WWOX: variants seen among roughly 807,000 people sequenced by gnomAD.
WWOX encodes WW domain-containing oxidoreductase.
A neutral mutation model predicts 46.2 loss-of-function variants in WWOX; 69 were observed. The ratio of observed to expected loss-of-function variants is 1.49; its 90% confidence interval spans 1.23 to 1.82. WWOX has a LOEUF of 1.82. WWOX is among the 40% of genes most tolerant of loss of function. The probability of loss-of-function intolerance (pLI) is 0.00; values close to 1 mark genes in which losing one functional copy is unlikely to be tolerated. For missense variants in WWOX, 919 were observed against 542.6 expected (o/e 1.69, Z -6.89); for synonymous variants, 359 against 202.6 (o/e 1.77, Z -6.56).
intron 8 of WWOX, among the ~76,000 whole-genome samples, chr16:78,460,532 C>G (rs1278078807): frequency 1.3e-5 from 2 of 152,200 alleles, no homozygotes; most frequent in African/African-American, 2.4e-5. Flanking sequence ...CTGAATGTGA[C>G]TGATACCAAC....
At chr16:78,548,653 C>G (rs1265844484) in intron 8 of WWOX, among the ~76,000 whole-genome samples, 1 of 152,166 alleles carries the variant, frequency 6.6e-6, no homozygotes, top group Non-Finnish European at 1.5e-5. Flanking sequence ...CAGTATTGTT[C>G]CATCCGCCTG....
intron 8 of WWOX, among the ~76,000 whole-genome samples, chr16:78,837,936 G>A (rs1007574499): frequency 6.6e-6 from 1 of 152,176 alleles, no homozygotes; most frequent in African/African-American, 2.4e-5. Context: ...CTGCTCAAGG[G>A]CACAGAAAGC....
chr16:78,734,797 A>G (rs1259492431), intron 8 of WWOX, among the ~76,000 whole-genome samples: 1 of 147,838 alleles, frequency 6.8e-6, no homozygotes, highest in African/African-American at 2.5e-5. Flanking sequence ...CCCTACTTCA[A>G]AGAGAACTCC....
chr16:78,338,818 T>C (rs2080949661), intron 5 of WWOX, among the ~76,000 whole-genome samples: 5 of 121,394 alleles, frequency 4.1e-5, no homozygotes, highest in Admixed American at 4.0e-4. Flanking sequence ...TTCTATTCTT[T>C]TCATTTCTTT....
intron 8 of WWOX, among the ~76,000 whole-genome samples, chr16:78,699,426 C>A (rs116083504): frequency 0.014 from 2,166 of 151,866 alleles, 58 homozygotes; most frequent in African/African-American, 0.05. Flanking sequence ...GTACTCCCAG[C>A]TACTTGGGAG....
At chr16:78,578,254 TTATA>T (rs1194130355) in intron 8 of WWOX, among the ~76,000 whole-genome samples, 345 of 31,574 alleles carry the variant, frequency 0.011, 9 homozygotes, top group East Asian at 0.046. Flanking sequence ...ATACCAAATT[TTATA>T]TATATATATA....
intron 8 of WWOX, among the ~76,000 whole-genome samples, chr16:78,811,092 C>A (rs1012161030): frequency 6.6e-6 from 1 of 151,870 alleles, no homozygotes; most frequent in African/African-American, 2.4e-5. Context: ...CTCCTCTTCT[C>A]GTCTGGATTT....
intron 8 of WWOX, among the ~76,000 whole-genome samples, chr16:79,015,453 C>T (rs1180982111): frequency 6.6e-6 from 1 of 152,148 alleles, no homozygotes; most frequent in Non-Finnish European, 1.5e-5. Flanking sequence ...TAAGAGTTAA[C>T]CTGAGTGTCT....
At chr16:78,839,323 C>G (rs2052075117) in intron 8 of WWOX, among the ~76,000 whole-genome samples, 1 of 152,110 alleles carries the variant, frequency 6.6e-6, no homozygotes, top group Admixed American at 6.5e-5. Flanking sequence ...AATGTAATTA[C>G]ATCTAACTAT....
intron 8 of WWOX, among the ~76,000 whole-genome samples, chr16:78,859,965 T>C (rs2052677471): frequency 6.6e-6 from 1 of 152,230 alleles, no homozygotes; most frequent in South Asian, 2.1e-4. Context: ...TTTGGTGACA[T>C]ATCCAGATAG....
At chr16:78,133,180 C>G (rs957726927) in intron 4 of WWOX, among the ~76,000 whole-genome samples, 5 of 152,296 alleles carry the variant, frequency 3.3e-5, no homozygotes, top group Admixed American at 6.5e-5. Context: ...TCATATTTAA[C>G]TTTTCAAAGG....
At chr16:78,211,559 C>T (rs1016610655) in intron 5 of WWOX, among the ~76,000 whole-genome samples, 2 of 151,922 alleles carry the variant, frequency 1.3e-5, no homozygotes, top group African/African-American at 4.8e-5. Context: ...GTTGCTCCTG[C>T]TGCTGCTGCT....
intron 8 of WWOX, among the ~76,000 whole-genome samples, chr16:79,150,796 T>G (rs1470871160): frequency 6.6e-6 from 1 of 152,190 alleles, no homozygotes. Flanking sequence ...CGTGTGTCAC[T>G]GCATCCAGCT....
At chr16:78,813,973 G>C (rs780777637) in intron 8 of WWOX, among the ~76,000 whole-genome samples, 1 of 152,074 alleles carries the variant, frequency 6.6e-6, no homozygotes, top group Non-Finnish European at 1.5e-5. Flanking sequence ...AATTCTATAG[G>C]TTCTATTATA....
intron 8 of WWOX, among the ~76,000 whole-genome samples, chr16:78,548,210 T>G (rs2044091618): frequency 6.7e-6 from 1 of 149,210 alleles, no homozygotes. Flanking sequence ...AAACATTTAA[T>G]CCGTAGTACT....
chr16:78,106,588 G>C (rs2032162978), intron 1 of WWOX, among the ~76,000 whole-genome samples: 1 of 151,894 alleles, frequency 6.6e-6, no homozygotes, highest in Non-Finnish European at 1.5e-5. Flanking sequence ...GGCTAATTTT[G>C]TATTTTTAGT....
rs539962101 is a variant in WWOX at position 78,202,040 on chromosome 16, A to G, written c.516+37751A>G. On this transcript the variant is annotated intron_variant, in intron 5 of 8. Coordinates refer to ENST00000566780, the MANE Select transcript of WWOX (RefSeq NM_016373.4). ...TTTTGATTTTTCCTCTTTAAACTCT[A>G]CTTGTAACCACCCCTTTCCTTTCCC... Among the ~76,000 whole-genome samples, 32 of 152,068 alleles carry G rather than the reference A, an allele frequency of 2.1e-4. 1 individual carries two copies. In the East Asian group the frequency reaches 3.7e-3, roughly 17 times the overall value.
chr16:79,014,369 A>T (rs910273421), intron 8 of WWOX, among the ~76,000 whole-genome samples: 5 of 151,996 alleles, frequency 3.3e-5, no homozygotes, highest in Non-Finnish European at 1.5e-5. Context: ...CCTGTTTTCT[A>T]TTGTCCCCGA....
intron 8 of WWOX, among the ~76,000 whole-genome samples, chr16:78,646,454 G>A (rs2046846342): frequency 6.6e-6 from 1 of 151,822 alleles, no homozygotes; most frequent in South Asian, 2.1e-4. Flanking sequence ...TTGAGACAAA[G>A]TTTCACTCTG....
Sources: allele counts gnomAD v4.1 joint callset (sites outside exome capture counted in the v4.1 genomes callset), GRCh38; gene constraint gnomAD v4.1.1; transcripts MANE v1.5; gene names NCBI Gene and HGNC (gene_info 2026-07-23, HGNC 2026-07-21).